KRT86: variants seen among roughly 807,000 people sequenced by gnomAD.
The protein encoded by KRT86 is keratin, type II cuticular Hb6.
Under a neutral mutation model 41.2 loss-of-function variants are expected in KRT86, and 30 were observed. That is an observed-to-expected ratio of 0.73 (90% CI 0.54 to 0.99). The LOEUF is 0.99. KRT86 is among the 50% of genes least tolerant of loss of function. The probability of loss-of-function intolerance (pLI) is 0.00; values close to 1 mark genes in which losing one functional copy is unlikely to be tolerated. For missense variants in KRT86, 561 were observed against 571.4 expected (o/e 0.98, Z 0.19); for synonymous variants, 238 against 238.1 (o/e 1.00, Z 0.00).
chr12:52,286,706 A>G, intron 2 of KRT86: 2 of 1,443,304 alleles, frequency 1.4e-6, no homozygotes, highest in Non-Finnish European at 1.9e-6. Context: ...TTTATATTCA[A>G]TCTCAGTAAC....
chr12:52,300,002 A>G (rs543473869), intron 2 of KRT86, among the ~76,000 whole-genome samples: 47 of 152,298 alleles, frequency 3.1e-4, no homozygotes, highest in African/African-American at 1.1e-3. Context: ...TGAGGTCTCA[A>G]TCAAGAAATC....
chr12:52,298,583 A>G (rs1056703663), intron 2 of KRT86, among the ~76,000 whole-genome samples: 61 of 152,198 alleles, frequency 4.0e-4, no homozygotes, highest in African/African-American at 1.4e-3. Flanking sequence ...AGTGATTTAC[A>G]TGGATTAACT....
chr12:52,285,930 T>C lies in KRT86; in HGVS notation c.-5+9984T>C, dbSNP rs568720615. 4.5e-4 allele frequency: 185 copies of C among 411,272 alleles called. 1 individual carries two copies. The Middle Eastern group carries it at 5.6e-3, about 12-fold the overall frequency. 25.5% of individuals were successfully genotyped at this position (411,272 alleles called of 1,614,324 possible). ...GACCCAGGTTGGCTACATTAATTTATTGAAACACAGATCAAGAGCAGAGGA... is the reference window on the plus strand; with the variant it reads ...GACCCAGGTTGGCTACATTAATTTACTGAAACACAGATCAAGAGCAGAGGA... On this transcript the variant is annotated intron_variant, in intron 2 of 10. Coordinates refer to ENST00000423955, the MANE Select transcript of KRT86 (RefSeq NM_001320198.2).
intron 2 of KRT86, among the ~76,000 whole-genome samples, chr12:52,298,307 C>T (rs949389): frequency 0.15 from 23,241 of 152,180 alleles, 1,804 homozygotes; most frequent in South Asian, 0.24. Context: ...TGGACTGGCT[C>T]CCACTGTAGA....
In KRT86 at chr12:52,305,252, C is replaced by A; in HGVS notation, c.748C>A (p.Leu250Ile). The stretch of plus-strand genomic sequence containing the variant: ...TCACCTCCTGCAGGAGATCCGCGTT[C>A]TCCAGTCCCACATCTCAGACACCTC... ...RRLYEEEIRV[L>I]QSHISDTSVV... Residue 250 changes from leucine to isoleucine, a missense_variant, in exon 7 of 11, where the codon CTC (leucine) becomes ATC (isoleucine). Coordinates refer to ENST00000423955, the MANE Select transcript of KRT86 (RefSeq NM_001320198.2). The A allele has an allele frequency of 6.2e-7, 1 of 1,614,222 alleles. No individual in the cohort carries two copies. The highest frequency in any genetic ancestry group is 2.2e-5 in the East Asian group (1 of 44,878).
In KRT86 at chr12:52,305,988, A is replaced by G. The variant is rs114856698; in HGVS notation, c.1027-72A>G. On this transcript the variant is annotated intron_variant, in intron 8 of 10. Transcript: ENST00000423955. ...GGGTGCTCCCAGCTTGGTGGGGAGC[A>G]TGGTCTCATCGAGGTAAGCATCAGA... is the stretch of plus-strand genomic sequence containing the variant. 2.5e-3 allele frequency: 3,970 copies of G among 1,594,580 alleles called. 101 individuals are homozygous for G. The African/African-American group carries it at 0.047, about 19-fold the overall frequency.
At position 52,308,233 on chromosome 12, in the gene KRT86, G is replaced by T; in HGVS notation, c.1248G>T (p.Arg416Ser). Residue 416 changes from arginine to serine, a missense_variant and splice_region_variant, in exon 10 of 11, where the codon AGG becomes AGT. Arg to Ser is a moderately radical substitution (Grantham distance 110). Around this residue, in one of 3 missense-constraint regions of KRT86, gnomAD observed 397 missense variants for 375.9 expected, o/e 1.06. Coordinates refer to ENST00000423955, the MANE Select transcript of KRT86 (RefSeq NM_001320198.2). ...GACCTCTCGCCTTCTCTCCCTGCAG[G>T]CTGTGCGAGGGCGTCGGCTCGGTGA... ...YRRLLEGEEQ[R>S]LCEGVGSVNV... 1 of 1,614,220 alleles carries T rather than the reference G, an allele frequency of 6.2e-7. No homozygotes were observed. The highest frequency in any genetic ancestry group is 8.5e-7 in the Non-Finnish European group (1 of 1,180,058).
intron 2 of KRT86, among the ~76,000 whole-genome samples, chr12:52,299,857 G>C (rs974659778): frequency 1.3e-5 from 2 of 152,154 alleles, no homozygotes; most frequent in Non-Finnish European, 2.9e-5. Context: ...CTTGTCAGTT[G>C]AATAGTTTGC....
chr12:52,308,089 C>G lies in KRT86; in HGVS notation c.1248-144C>G, dbSNP rs1007315959. On this transcript the variant is annotated intron_variant, in intron 9 of 10. Transcript: ENST00000423955. Reference sequence around the variant, plus strand: ...AGACCCTCACGGTGACCCGAGTCTACACTGGCTCCTGGCCGAGAGCATTTC... The same window carrying G: ...AGACCCTCACGGTGACCCGAGTCTAGACTGGCTCCTGGCCGAGAGCATTTC... The G allele has an allele frequency of 4.7e-6, 5 of 1,052,718 alleles. No homozygotes were observed. In the South Asian group the frequency reaches 5.9e-5, roughly 12 times the overall value. 65.2% of individuals were successfully genotyped at this position (1,052,718 alleles called of 1,614,324 possible). A position where few individuals can be genotyped will look rare whatever the true frequency, so the allele number is the denominator to read the frequency against.
intron 2 of KRT86, chr12:52,286,754 T>G: frequency 6.2e-7 from 1 of 1,603,554 alleles, no homozygotes; most frequent in Non-Finnish European, 8.5e-7. Context: ...TCACAGGTAG[T>G]TAGTAAATCT....
At chr12:52,288,494 G>A (rs755333300) in intron 2 of KRT86, 1 of 1,611,998 alleles carries the variant, frequency 6.2e-7, no homozygotes, top group South Asian at 1.1e-5. Context: ...AAGGACCCTG[G>A]TGATCCAGCC....
intron 9 of KRT86, chr12:52,306,483 T>C (rs1262718394): frequency 2.7e-6 from 2 of 746,380 alleles, no homozygotes; most frequent in African/African-American, 3.5e-5. Flanking sequence ...GAGATTGCAG[T>C]CTTGTTCATC....
intron 2 of KRT86, among the ~76,000 whole-genome samples, chr12:52,285,523 T>C (rs540798558): frequency 1.3e-5 from 2 of 152,226 alleles, no homozygotes; most frequent in African/African-American, 4.8e-5. Context: ...TTGGTGAATC[T>C]GATTTTCATG....
rs1938576983 is a variant in KRT86 at position 52,308,715 on chromosome 12, C to T, written c.*130C>T. 3 of 820,440 alleles carry T rather than the reference C, an allele frequency of 3.7e-6. No homozygotes were observed. The East Asian group carries it at 8.1e-5, about 22-fold the overall frequency. 50.8% of individuals were successfully genotyped at this position (820,440 alleles called of 1,614,324 possible). On this transcript the variant is annotated 3_prime_UTR_variant, in exon 11 of 11. Transcript: ENST00000423955. ...CCGCTGCCTGCACTCTAAGCGCCCT[C>T]CCCACCGCTCCGCTCCGGGAGCCAT... is the stretch of plus-strand genomic sequence containing the variant.
chr12:52,306,425 A>C lies in KRT86; in HGVS notation c.1247+145A>C. The C allele has an allele frequency of 2.3e-6, 3 of 1,289,434 alleles. No individual in the cohort carries two copies. The African/African-American group carries it at 4.4e-5, about 19-fold the overall frequency. The allele number at this position is 1,289,434 out of a possible 1,614,324, so 79.9% of individuals were successfully genotyped here. A position where few individuals can be genotyped will look rare whatever the true frequency, so the allele number is the denominator to read the frequency against. ...GGTAATTTGTGTAAGTCCTTTAAGTATGATCTAGCCCCGTTTGAGTCTCTC... is the reference window on the plus strand; with the variant it reads ...GGTAATTTGTGTAAGTCCTTTAAGTCTGATCTAGCCCCGTTTGAGTCTCTC... On this transcript the variant is annotated intron_variant, in intron 9 of 10. Transcript: ENST00000423955.
intron 7 of KRT86, 122 bp from the exon 8 acceptor site, chr12:52,305,541 G>A (rs556049411): frequency 2.1e-5 from 33 of 1,599,564 alleles, no homozygotes; most frequent in South Asian, 5.6e-5. Context: ...GGGGTGGTAG[G>A]GCAGGACTGC....
At chr12:52,283,392 C>CAAAAAAAAA (rs1169224117) in intron 2 of KRT86, among the ~76,000 whole-genome samples, 43 of 39,510 alleles carry the variant, frequency 1.1e-3, no homozygotes, top group East Asian at 2.5e-3. Flanking sequence ...AACTGTCTCA[C>CAAAAAAAAA]AAAAAAAAAA....
In KRT86 at chr12:52,305,538, T is replaced by C. The variant is rs1358875772; in HGVS notation, c.901-125T>C. 5.6e-6 allele frequency: 9 copies of C among 1,597,882 alleles called. No individual in the cohort carries two copies. In the African/African-American group the frequency reaches 6.7e-5, roughly 12 times the overall value. On this transcript the variant is annotated intron_variant, in intron 7 of 10. Transcript: ENST00000423955. The stretch of plus-strand genomic sequence containing the variant: ...GGCTGCCACTCTGATGTTGGGGTGG[T>C]AGGGCAGGACTGCCATGTGTGGTTG...
chr12:52,296,393 A>G (rs1467113656), intron 2 of KRT86, among the ~76,000 whole-genome samples: 5 of 152,124 alleles, frequency 3.3e-5, no homozygotes, highest in Admixed American at 2.6e-4. Context: ...GTGTAGGCCC[A>G]CTGGAAGAGG....
Sources: gnomAD v4.1 joint callset for allele counts (sites outside exome capture counted in the v4.1 genomes callset) on GRCh38, gnomAD v4.1.1 for gene constraint, gnomAD v4.1.1 regional missense constraint, MANE v1.5 for transcripts, NCBI Gene and HGNC (gene_info 2026-07-23, HGNC 2026-07-21) for gene names.